Variants in GTF2IRD2 observed in about 807,000 individuals in gnomAD.
GTF2IRD2 encodes GTF2I repeat domain containing 2.
GTF2IRD2 carries 8 observed loss-of-function variants against 49.2 expected under a neutral mutation model. The ratio of observed to expected loss-of-function variants is 0.16; its 90% CI spans 0.10 to 0.29. The LOEUF is 0.29. Ranked by LOEUF, GTF2IRD2 falls within the 10% of genes least tolerant of loss-of-function variation. The pLI is 1.00. For missense variants in GTF2IRD2, 130 were observed against 725.7 expected (o/e 0.18, Z 9.43); for synonymous variants, 47 against 289.7 (o/e 0.16, Z 8.51).
chr7:74,818,838 T>C (rs1798675323), intron 8 of GTF2IRD2: 1 of 151,478 alleles, frequency 6.6e-6, no homozygotes, highest in Non-Finnish European at 1.5e-5. Flanking sequence ...CTTTATTTAT[T>C]TATTTATTTG....
chr7:74,797,450 G>C lies in GTF2IRD2; in HGVS notation c.2062C>G (p.His688Asp). 6.2e-7 allele frequency: 1 copy of C among 1,610,652 alleles called. No individual in the cohort carries two copies. The highest frequency in any genetic ancestry group is 8.5e-7 in the Non-Finnish European group (1 of 1,179,288). ...VNWICSRGLN[H>D]SEFTTLLYEL... ...TAGAGCAAGGTTGTGAACTCACTGT[G>C]GTTCAGTCCCCGGGAGCATATCCAG... Residue 688 changes from histidine (H) to aspartate (D), a missense_variant, in exon 16 of 16, where the codon CAC (histidine) becomes GAC (aspartate). His to Asp is a moderately conservative substitution (Grantham distance 81). Coordinates refer to ENST00000451013, the MANE Select transcript of GTF2IRD2 (RefSeq NM_173537.5).
At chr7:74,820,597 TCATCCC>T in intron 6 of GTF2IRD2, 3 of 23,674 alleles carry the variant, frequency 1.3e-4, no homozygotes, top group Admixed American at 3.0e-4. Flanking sequence ...GGGACGTGAC[TCATCCC>T]TTTGTCCTGC....
intron 1 of GTF2IRD2, among the ~76,000 whole-genome samples, chr7:74,842,144 C>A: frequency 1.1e-5 from 1 of 93,342 alleles, no homozygotes; most frequent in Non-Finnish European, 2.0e-5. Context: ...CAAAACAAAA[C>A]AAAAATTGAC....
At chr7:74,845,365 C>T (rs1801186825) in intron 1 of GTF2IRD2, among the ~76,000 whole-genome samples, 1 of 150,920 alleles carries the variant, frequency 6.6e-6, no homozygotes, top group Non-Finnish European at 1.5e-5. Context: ...TCACAGCTCA[C>T]TGCAGCCTCT....
chr7:74,840,786 C>T (rs1310877581), intron 1 of GTF2IRD2, among the ~76,000 whole-genome samples: 20 of 139,980 alleles, frequency 1.4e-4, no homozygotes, highest in African/African-American at 4.7e-4. Context: ...AGGAGAGCCA[C>T]GGGCTGTACT....
chr7:74,834,857 T>A (rs1584402606), intron 2 of GTF2IRD2, among the ~76,000 whole-genome samples: 2 of 85,582 alleles, frequency 2.3e-5, no homozygotes, highest in East Asian at 6.2e-4. Context: ...TATAGCACCA[T>A]CCCCTCCAGC....
In GTF2IRD2 at chr7:74,845,363, CACTG is replaced by C. The variant is rs1554422358; in HGVS notation, c.-6+6000_-6+6003del. Among the ~76,000 whole-genome samples the C allele has an allele frequency of 1.3e-4, 19 of 151,030 alleles. No individual in the cohort carries two copies. The South Asian group carries it at 3.5e-3, about 28-fold the overall frequency. On this transcript the variant is annotated intron_variant, in intron 1 of 15. Transcript: ENST00000451013. ...GGAATGCAGTGGTGCAATCACAGCT[CACTG>C]CAGCCTCTGCCTCCCTGGGCTCGGA...
At chr7:74,826,669 C>A (rs1193041431) in intron 3 of GTF2IRD2, among the ~76,000 whole-genome samples, 1 of 108,082 alleles carries the variant, frequency 9.3e-6, no homozygotes, top group African/African-American at 4.2e-5. Context: ...CCAATCCCAT[C>A]CATGTTGCTG....
intron 1 of GTF2IRD2, among the ~76,000 whole-genome samples, chr7:74,846,806 C>CTT (rs782473090): frequency 1.1e-4 from 5 of 44,968 alleles, no homozygotes; most frequent in African/African-American, 1.8e-4. Flanking sequence ...CTAATTTTGA[C>CTT]TTTTTTTTTT....
In GTF2IRD2 at chr7:74,822,700, G is replaced by T. The variant is rs1799017020; in HGVS notation, c.466C>A (p.His156Asn). ...GTTGCAAGGTCGTAATTCTCAGGGT[G>T]TTGAAAGGCAACGCCTTCCGGAAGC... ...QGLPEGVAFQ[H>N]PENYDLATLK... The change falls in exon 5 of 16, where the codon CAC becomes AAC. Residue 156 changes from histidine to asparagine, a missense_variant. Coordinates refer to ENST00000451013, the MANE Select transcript of GTF2IRD2 (RefSeq NM_173537.5). The T allele has an allele frequency of 2.8e-6, 2 of 719,364 alleles. No individual in the cohort carries two copies. The highest frequency in any genetic ancestry group is 2.3e-6 in the Non-Finnish European group (1 of 434,572). The allele number at this position is 719,364 out of a possible 1,614,324, so 44.6% of individuals were successfully genotyped here. A position where few individuals can be genotyped will look rare whatever the true frequency, so the allele number is the denominator to read the frequency against.
intron 1 of GTF2IRD2, among the ~76,000 whole-genome samples, chr7:74,839,988 A>C (rs1554421551): frequency 0.15 from 13,794 of 94,000 alleles, 19 homozygotes; most frequent in East Asian, 0.39. Flanking sequence ...CAACAGAGTA[A>C]GATTCCGTCT....
intron 5 of GTF2IRD2, 74 bp downstream of exon 5, chr7:74,822,550 A>C (rs1799004513): frequency 1.7e-6 from 1 of 589,340 alleles, no homozygotes; most frequent in African/African-American, 2.7e-5. Flanking sequence ...GGCGGGATGC[A>C]CGAGTGAATT....
At chr7:74,831,504 T>TACACACACACTC (rs1799860462) in intron 3 of GTF2IRD2, among the ~76,000 whole-genome samples, 1 of 119,460 alleles carries the variant, frequency 8.4e-6, no homozygotes. Flanking sequence ...TCTCTGTACA[T>TACACACACACTC]ACACACACAC....
At position 74,797,158 on chromosome 7, in the gene GTF2IRD2, CG is replaced by C. The variant is rs782270093; in HGVS notation, c.2353del (p.Arg785GlyfsTer4). On this transcript the variant is annotated frameshift_variant, in exon 16 of 16. Transcript: ENST00000451013. LOFTEE classifies it high-confidence loss of function. Reference sequence around the variant, plus strand: ...GAGGCACAGTTTTGCTAGGAACGCCCGGATCAGGTCATACATCTGCGTGACG... The same window carrying C: ...GAGGCACAGTTTTGCTAGGAACGCCCGATCAGGTCATACATCTGCGTGACG... Reference protein sequence around the residue: ...QIVTQMYDLIRAFLAKLCLWE... With the variant: ...QIVTQMYDLIXAFLAKLCLWE... 42 of 955,282 alleles carry C rather than the reference CG, an allele frequency of 4.4e-5. No individual in the cohort carries two copies. In the Admixed American group the frequency reaches 7.5e-4, roughly 17 times the overall value. The allele number at this position is 955,282 out of a possible 1,614,324, so 59.2% of individuals were successfully genotyped here.
intron 8 of GTF2IRD2, chr7:74,819,224 C>G (rs1468718574): frequency 3.0e-6 from 1 of 331,534 alleles, no homozygotes; most frequent in African/African-American, 2.3e-5. Context: ...CGTGCGCAGC[C>G]TTGTTTGTTT....
intron 15 of GTF2IRD2, among the ~76,000 whole-genome samples, chr7:74,799,983 T>G (rs1584383921): frequency 3.5e-5 from 4 of 114,952 alleles, no homozygotes; most frequent in Non-Finnish European, 7.1e-5. Flanking sequence ...ACTCGGGAGG[T>G]GAAGGTGGGA....
chr7:74,798,997 CTTTTT>C (rs1401657761), intron 15 of GTF2IRD2: 1 of 149,862 alleles, frequency 6.7e-6, no homozygotes, highest in Non-Finnish European at 1.5e-5. Flanking sequence ...TCTTTCTTTT[CTTTTT>C]TTCTTTTTCT....
At chr7:74,826,096 T>C (rs1554419638) in intron 3 of GTF2IRD2, among the ~76,000 whole-genome samples, 1 of 151,510 alleles carries the variant, frequency 6.6e-6, no homozygotes, top group Non-Finnish European at 1.5e-5. Context: ...AGTATAGTTT[T>C]CTTGCATGGA....
At chr7:74,840,861 T>G (rs1392218011) in intron 1 of GTF2IRD2, among the ~76,000 whole-genome samples, 2 of 132,412 alleles carry the variant, frequency 1.5e-5, no homozygotes, top group East Asian at 4.4e-4. Flanking sequence ...TTATATGTAT[T>G]TTTTGAGACA....
Sources: gnomAD v4.1 joint callset for allele counts (sites outside exome capture counted in the v4.1 genomes callset) on GRCh38, gnomAD v4.1.1 for gene constraint, MANE v1.5 for transcripts, NCBI Gene and HGNC (gene_info 2026-07-23, HGNC 2026-07-21) for gene names.